PRDM16: variants seen among roughly 807,000 people sequenced by gnomAD.
PRDM16 encodes the protein PR/SET domain 16, also known as histone-lysine N-methyltransferase PRDM16.
A neutral mutation model predicts 110.6 loss-of-function variants in PRDM16; 23 were observed. The ratio of observed to expected loss-of-function variants is 0.21; its 90% confidence interval spans 0.15 to 0.29. The LOEUF (loss-of-function observed/expected upper bound fraction) is 0.29, where lower values mean the gene tolerates loss of function less well. Ranked by LOEUF, PRDM16 falls within the 10% of genes least tolerant of loss-of-function variation. PRDM16 has a pLI of 1.00. For missense variants in PRDM16, 1,615 were observed against 1,794.3 expected (o/e 0.90, Z 1.81); for synonymous variants, 799 against 781.8 (o/e 1.02, Z -0.37).
chr1:3,419,932 C>T (rs180974565), intron 12 of PRDM16, among the ~76,000 whole-genome samples: 2 of 151,156 alleles, frequency 1.3e-5, no homozygotes, highest in East Asian at 3.9e-4. Flanking sequence ...CCCCCCCTTA[C>T]CCACCCTTCA....
At chr1:3,085,193 T>C (rs2742682) in intron 1 of PRDM16, among the ~76,000 whole-genome samples, 131,411 of 152,276 alleles carry the variant, frequency 0.86, 56,786 homozygotes, top group East Asian at 0.98. Flanking sequence ...GCAGAGGCAG[T>C]GCAGCCTTGG....
chr1:3,277,141 G>A (rs547355115), intron 3 of PRDM16, among the ~76,000 whole-genome samples: 1 of 152,334 alleles, frequency 6.6e-6, no homozygotes, highest in Admixed American at 6.5e-5. Context: ...ATGACCAGCA[G>A]ACAGACAAGA....
chr1:3,368,449 G>A (rs1049785918), intron 3 of PRDM16, among the ~76,000 whole-genome samples: 1 of 152,204 alleles, frequency 6.6e-6, no homozygotes, highest in African/African-American at 2.4e-5. Context: ...CTGAGCATCT[G>A]TGAAGGATCC....
chr1:3,285,069 C>G (rs1640815513), intron 3 of PRDM16, among the ~76,000 whole-genome samples: 1 of 152,222 alleles, frequency 6.6e-6, no homozygotes, highest in Non-Finnish European at 1.5e-5. Context: ...GCAAGGGAGG[C>G]AGGCTGGCAC....
chr1:3,092,946 C>T (rs1006694777), intron 1 of PRDM16, among the ~76,000 whole-genome samples: 2 of 152,148 alleles, frequency 1.3e-5, no homozygotes, highest in African/African-American at 2.4e-5. Context: ...ACCTCGGGCC[C>T]CTGGGTCCCC....
intron 3 of PRDM16, among the ~76,000 whole-genome samples, chr1:3,345,837 G>A (rs867203221): frequency 6.8e-5 from 10 of 148,056 alleles, no homozygotes; most frequent in Admixed American, 1.3e-4. Context: ...GGGTCCTCCC[G>A]TGCTGCCCTC....
intron 1 of PRDM16, among the ~76,000 whole-genome samples, chr1:3,073,950 C>T (rs967047569): frequency 2.6e-5 from 4 of 152,202 alleles, no homozygotes; most frequent in African/African-American, 9.6e-5. Context: ...CCCCCGCTTG[C>T]CTGGGTTCCC....
intron 14 of PRDM16, among the ~76,000 whole-genome samples, 187 bp downstream of exon 14, chr1:3,426,412 C>T (rs1301428651): frequency 1.3e-5 from 2 of 151,992 alleles, no homozygotes; most frequent in Admixed American, 1.3e-4. Context: ...GCGCTGTCTG[C>T]CTCAGTTCCT....
intron 4 of PRDM16, among the ~76,000 whole-genome samples, chr1:3,394,999 C>CACT (rs1378311298): frequency 6.6e-6 from 1 of 152,230 alleles, no homozygotes; most frequent in Non-Finnish European, 1.5e-5. Context: ...GAACTTCACA[C>CACT]ACTACTGACA....
chr1:3,109,635 A>T lies in PRDM16; in HGVS notation c.37+40339A>T, dbSNP rs545337043. ...CTTAGGGCTTTTCATCTGGGCAAGA[A>T]TCCGAACTCCTCCAGGAAAGCATCA... is the stretch of plus-strand genomic sequence containing the variant. On this transcript the variant is annotated intron_variant, in intron 1 of 16. Coordinates refer to ENST00000270722, the MANE Select transcript of PRDM16 (RefSeq NM_022114.4). Among the ~76,000 whole-genome samples, 22 of 152,354 alleles carry T rather than the reference A, an allele frequency of 1.4e-4. No individual in the cohort carries two copies. The South Asian group carries it at 4.6e-3, about 32-fold the overall frequency.
chr1:3,420,140 C>G (rs1045391424), intron 12 of PRDM16, among the ~76,000 whole-genome samples: 9 of 152,156 alleles, frequency 5.9e-5, no homozygotes, highest in African/African-American at 2.2e-4. Flanking sequence ...TTTGCTCTCT[C>G]CAATCTGTGA....
In PRDM16 at chr1:3,355,459, T is replaced by G. The variant is rs1426519133; in HGVS notation, c.439-29693T>G. 2.0e-5 allele frequency among the ~76,000 whole-genome samples: 3 copies of G among 152,184 alleles called. No individual in the cohort carries two copies. The East Asian group carries it at 5.8e-4, about 29-fold the overall frequency. On this transcript the variant is annotated intron_variant, in intron 3 of 16. Transcript: ENST00000270722. The stretch of plus-strand genomic sequence containing the variant: ...CCAGGCAAGGGGTTGAACTAAACAG[T>G]CCCTACTGGTTGGTGCCACCCTGGG...
chr1:3,368,224 G>A (rs903043309), intron 3 of PRDM16, among the ~76,000 whole-genome samples: 2 of 152,238 alleles, frequency 1.3e-5, no homozygotes, highest in African/African-American at 4.8e-5. Flanking sequence ...TTCATTAGGA[G>A]GCAGTCCCGA....
rs1053684712 is a variant in PRDM16, at chr1:3,077,754, G to A, written c.37+8458G>A. 2.0e-5 allele frequency among the ~76,000 whole-genome samples: 3 copies of A among 152,184 alleles called. 1 individual carries two copies. The highest frequency in any genetic ancestry group is 7.2e-5 in the African/African-American group (3 of 41,444). ...GGTGTGCAGGCTGCAGGTGCTCACA[G>A]GCCAGGCCCCGTGCGTGGACCACCA... On this transcript the variant is annotated intron_variant, in intron 1 of 16. Transcript: ENST00000270722.
intron 2 of PRDM16, among the ~76,000 whole-genome samples, chr1:3,240,178 A>C (rs1639636235): frequency 6.6e-6 from 1 of 151,784 alleles, no homozygotes; most frequent in African/African-American, 2.4e-5. Context: ...TCACATCTAT[A>C]ATCACAGAAC....
intron 3 of PRDM16, among the ~76,000 whole-genome samples, chr1:3,374,537 T>A (rs1278068589): frequency 6.6e-6 from 1 of 152,200 alleles, no homozygotes; most frequent in Non-Finnish European, 1.5e-5. Context: ...ACCTAGCAGC[T>A]GGCCTGGGTC....
rs891459367 is a variant in PRDM16 at position 3,213,729 on chromosome 1, G to A, written c.387+27255G>A. Among the ~76,000 whole-genome samples, 5 of 152,192 alleles carry A rather than the reference G, an allele frequency of 3.3e-5. No homozygotes were observed. In the East Asian group the frequency reaches 9.7e-4, roughly 29 times the overall value. ...GGCCCAGGAGGTTCTGCTCTCCCCA[G>A]GCAAGGAAGCGGGGTTTCCGGGACA... On this transcript the variant is annotated intron_variant, in intron 2 of 16. Coordinates refer to ENST00000270722, the MANE Select transcript of PRDM16 (RefSeq NM_022114.4). The surrounding 1 kb of genome is among the most constrained non-coding windows in gnomAD (Gnocchi z 5.3).
chr1:3,085,375 C>T (rs930699745), intron 1 of PRDM16, among the ~76,000 whole-genome samples: 2 of 152,220 alleles, frequency 1.3e-5, no homozygotes, highest in Admixed American at 1.3e-4. Flanking sequence ...ACAGGGGCTC[C>T]GAGTCCCCTC....
intron 2 of PRDM16, among the ~76,000 whole-genome samples, chr1:3,202,082 A>C (rs1464616135): frequency 4.6e-5 from 7 of 151,450 alleles, no homozygotes; most frequent in Non-Finnish European, 1.0e-4. Context: ...GAGGGAAAGC[A>C]CATCCAGGAA....
Sources: allele counts gnomAD v4.1 joint callset (sites outside exome capture counted in the v4.1 genomes callset), GRCh38; gene constraint gnomAD v4.1.1; non-coding constraint Gnocchi (gnomAD v3.1); transcripts MANE v1.5; gene names NCBI Gene and HGNC (gene_info 2026-07-23, HGNC 2026-07-21).